Variants in RARB observed in about 807,000 individuals in gnomAD.
The protein encoded by RARB is HBV-activated protein.
RARB carries 17 observed loss-of-function variants against 51.9 expected under a neutral mutation model. The ratio of observed to expected loss-of-function variants is 0.33; its 90% confidence interval spans 0.22 to 0.49. RARB has a LOEUF of 0.49. Ranked by LOEUF, RARB falls within the 20% of genes least tolerant of loss-of-function variation. RARB has a pLI of 0.99. For synonymous variants in RARB, 215 were observed against 195.4 expected (o/e 1.10, Z -0.84); for missense variants, 369 against 550.8 (o/e 0.67, Z 3.30).
intron 4 of RARB, among the ~76,000 whole-genome samples, chr3:25,570,316 T>G (rs1168215934): frequency 6.6e-6 from 1 of 152,204 alleles, no homozygotes; most frequent in African/African-American, 2.4e-5. Context: ...ATGACGGACC[T>G]CTGTACGGAG....
At chr3:25,445,034 C>T (rs1708868090) in intron 1 of RARB, among the ~76,000 whole-genome samples, 1 of 152,062 alleles carries the variant, frequency 6.6e-6, no homozygotes, top group South Asian at 2.1e-4. Context: ...AGTGCAACCT[C>T]CGCCTCCCGG....
chr3:25,507,694 T>A (rs1004495331), intron 3 of RARB, among the ~76,000 whole-genome samples: 4 of 152,150 alleles, frequency 2.6e-5, no homozygotes, highest in Non-Finnish European at 5.9e-5. Context: ...ACCTTACTTT[T>A]GCCAAACCTT....
intron 5 of RARB, among the ~76,000 whole-genome samples, chr3:25,225,039 T>C (rs1323766894): frequency 6.6e-6 from 1 of 152,160 alleles, no homozygotes. Context: ...TATAAAACCA[T>C]TAAAATAAAA....
intron 2 of RARB, among the ~76,000 whole-genome samples, chr3:24,952,242 A>ATTT (rs1476425750): frequency 7.5e-6 from 1 of 134,032 alleles, no homozygotes; most frequent in Non-Finnish European, 1.6e-5. Flanking sequence ...AAAAAGTAAC[A>ATTT]TTTGTTTTTT....
exon 5 of RARB, chr3:25,174,378 C>T: frequency 1.5e-6 from 2 of 1,351,652 alleles, no homozygotes. Context: ...GAGCACCTTT[C>T]TTTCTGTGAG....
At chr3:25,341,931 A>G (rs1705239953) in intron 5 of RARB, among the ~76,000 whole-genome samples, 1 of 152,194 alleles carries the variant, frequency 6.6e-6, no homozygotes, top group Admixed American at 6.5e-5. Context: ...CCTACATAGC[A>G]TGTATCACAA....
chr3:24,914,405 GATA>G (rs1312129031), intron 2 of RARB, among the ~76,000 whole-genome samples: 1 of 152,090 alleles, frequency 6.6e-6, no homozygotes, highest in Non-Finnish European at 1.5e-5. Flanking sequence ...TGCCCTCTCA[GATA>G]GGCCTTATCC....
At chr3:24,965,822 C>G (rs894289233) in intron 2 of RARB, among the ~76,000 whole-genome samples, 2 of 152,078 alleles carry the variant, frequency 1.3e-5, no homozygotes, top group African/African-American at 4.8e-5. Flanking sequence ...TTTCCTCATC[C>G]CCCTGACCCT....
chr3:25,228,550 A>C (rs991679767), intron 5 of RARB, among the ~76,000 whole-genome samples: 1 of 151,930 alleles, frequency 6.6e-6, no homozygotes, highest in African/African-American at 2.4e-5. Context: ...TAAAGATTCC[A>C]TATTTTCTTC....
intron 2 of RARB, among the ~76,000 whole-genome samples, chr3:25,492,643 G>T (rs747909482): frequency 4.6e-5 from 7 of 152,020 alleles, no homozygotes; most frequent in Admixed American, 2.0e-4. Context: ...CCAGGAAAAT[G>T]CTGTAATCAT....
chr3:25,162,500 G>T (rs1484456518), intron 4 of RARB, among the ~76,000 whole-genome samples: 3 of 152,092 alleles, frequency 2.0e-5, no homozygotes, highest in African/African-American at 7.2e-5. Flanking sequence ...TCACAAATTT[G>T]TGCACCATCA....
intron 1 of RARB, among the ~76,000 whole-genome samples, chr3:25,439,310 A>G (rs936862506): frequency 1.7e-5 from 2 of 114,680 alleles, no homozygotes; most frequent in African/African-American, 5.9e-5. Flanking sequence ...TCCCAAACCT[A>G]AGTTAACCAT....
chr3:24,936,286 G>A (rs1012649795), intron 2 of RARB, among the ~76,000 whole-genome samples: 2 of 152,012 alleles, frequency 1.3e-5, no homozygotes, highest in African/African-American at 4.8e-5. Flanking sequence ...AGTATATTGA[G>A]GAGAAGAGTT....
chr3:25,212,845 T>A (rs1251523726), intron 5 of RARB, among the ~76,000 whole-genome samples: 1 of 152,124 alleles, frequency 6.6e-6, no homozygotes, highest in Non-Finnish European at 1.5e-5. Flanking sequence ...CCAAAGCAAT[T>A]TAGGGAAACT....
chr3:25,271,052 T>C (rs546807417), intron 5 of RARB, among the ~76,000 whole-genome samples: 2 of 152,302 alleles, frequency 1.3e-5, no homozygotes, highest in East Asian at 3.9e-4. Flanking sequence ...GAAATACAAA[T>C]GATATTCACT....
At chr3:24,989,820 T>G in intron 2 of RARB, among the ~76,000 whole-genome samples, 1 of 68,804 alleles carries the variant, frequency 1.5e-5, no homozygotes, top group African/African-American at 6.0e-5. Flanking sequence ...TGAGACGGAG[T>G]CTCGCTCTGT....
intron 2 of RARB, among the ~76,000 whole-genome samples, chr3:24,876,939 C>T (rs565566510): frequency 6.6e-6 from 1 of 152,084 alleles, no homozygotes; most frequent in Non-Finnish European, 1.5e-5. Context: ...CAAGAAAAAT[C>T]ATTTTATTAA....
rs561622917 is a variant in RARB, at chr3:25,445,978, C to T, written c.158-15215C>T. Among the ~76,000 whole-genome samples, 3 of 152,296 alleles carry T rather than the reference C, an allele frequency of 2.0e-5. No individual in the cohort carries two copies. The East Asian group carries it at 5.8e-4, about 29-fold the overall frequency. On this transcript the variant is annotated intron_variant, in intron 1 of 7. Transcript: ENST00000330688. Reference sequence around the variant, plus strand: ...GTAATGGATTAAAGGTATTAAAACTCCCATATTCTCCCTGGCTCTACGCCA... The same window carrying T: ...GTAATGGATTAAAGGTATTAAAACTTCCATATTCTCCCTGGCTCTACGCCA...
intron 2 of RARB, among the ~76,000 whole-genome samples, chr3:24,913,113 T>C (rs989012594): frequency 6.6e-6 from 1 of 151,010 alleles, no homozygotes; most frequent in African/African-American, 2.4e-5. Flanking sequence ...CCTGAGCAGC[T>C]AGGACTACAG....
Sources: gnomAD v4.1 joint callset for allele counts (sites outside exome capture counted in the v4.1 genomes callset) on GRCh38, gnomAD v4.1.1 for gene constraint, MANE v1.5 for transcripts, NCBI Gene and HGNC (gene_info 2026-07-23, HGNC 2026-07-21) for gene names.